The following PIAS4 variants were observed in gnomAD, a reference collection of about 807,000 sequenced individuals.
PIAS4 encodes the protein protein inhibitor of activated STAT 4.
A neutral mutation model predicts 58.0 loss-of-function variants in PIAS4; 7 were observed. That is an observed-to-expected ratio of 0.12 (90% CI 0.07 to 0.23). The LOEUF (loss-of-function observed/expected upper bound fraction) is 0.23. Ranked by LOEUF, PIAS4 falls within the 10% of genes least tolerant of loss-of-function variation. PIAS4 has a pLI of 1.00. For synonymous variants in PIAS4, 364 were observed against 312.4 expected (o/e 1.17, Z -1.74); for missense variants, 550 against 709.5 (o/e 0.78, Z 2.55).
chr19:4,010,940 G>A (rs902276312), intron 1 of PIAS4, among the ~76,000 whole-genome samples: 4 of 152,210 alleles, frequency 2.6e-5, no homozygotes, highest in Non-Finnish European at 5.9e-5. Context: ...CAGCCTCTCC[G>A]TCTCCAACAG....
rs559401432 is a variant in PIAS4, at chr19:4,037,178, G to C, written c.1143-196G>C. Among the ~76,000 whole-genome samples, 1 of 152,224 alleles carries C rather than the reference G, an allele frequency of 6.6e-6. No individual in the cohort carries two copies. Among genetic ancestry groups the C allele is most frequent in the Non-Finnish European group, 1.5e-5 (1 of 68,024 alleles). On this transcript the variant is annotated intron_variant, in intron 9 of 10. Transcript: ENST00000262971. This position sits in a 1 kb window ranked among gnomAD's most constrained non-coding sequence, Gnocchi z 5.8. Reference sequence around the variant, plus strand: ...AGTGCCGTGCACTGCAGACCTGCCTGGGGCTCAGCACCTGCAGGGGCCTGA... The same window carrying C: ...AGTGCCGTGCACTGCAGACCTGCCTCGGGCTCAGCACCTGCAGGGGCCTGA...
chr19:4,036,233 C>CA (rs2040283195), intron 9 of PIAS4, among the ~76,000 whole-genome samples: 1 of 132,680 alleles, frequency 7.5e-6, no homozygotes, highest in Non-Finnish European at 1.7e-5. Flanking sequence ...TACACACACA[C>CA]ATCTATACAG....
intron 7 of PIAS4, among the ~76,000 whole-genome samples, chr19:4,030,302 AG>A (rs2040211338): frequency 6.9e-5 from 10 of 144,398 alleles, no homozygotes; most frequent in South Asian, 4.6e-4. Context: ...ATTTTTTTTA[AG>A]TGACACGCAG....
intron 7 of PIAS4, among the ~76,000 whole-genome samples, chr19:4,030,414 G>A (rs2040212644): frequency 6.6e-6 from 1 of 151,924 alleles, no homozygotes; most frequent in African/African-American, 2.4e-5. Context: ...GGTCAGGAGA[G>A]CAACACCATC....
chr19:4,032,210 G>A (rs137904402), intron 7 of PIAS4, among the ~76,000 whole-genome samples: 5 of 152,074 alleles, frequency 3.3e-5, no homozygotes, highest in African/African-American at 1.2e-4. Context: ...TGGGGGGAGT[G>A]GGGGGGCAGG....
chr19:4,022,078 T>A (rs1458282674), intron 2 of PIAS4, among the ~76,000 whole-genome samples: 1 of 152,138 alleles, frequency 6.6e-6, no homozygotes, highest in Non-Finnish European at 1.5e-5. Context: ...AAGGTTTTAA[T>A]TATGGATCCA....
intron 2 of PIAS4, among the ~76,000 whole-genome samples, chr19:4,017,083 G>C (rs1444448653): frequency 6.6e-6 from 1 of 152,158 alleles, no homozygotes; most frequent in East Asian, 1.9e-4. Flanking sequence ...TGGGCACGGA[G>C]CGTCCTGTGT....
chr19:4,032,227 C>T (rs2040229154), intron 7 of PIAS4, among the ~76,000 whole-genome samples: 1 of 152,122 alleles, frequency 6.6e-6, no homozygotes, highest in Admixed American at 6.5e-5. Flanking sequence ...CAGGCTGGCA[C>T]CATCACTCTG....
chr19:4,021,742 C>CTTTTTTTTT (rs776416490), intron 2 of PIAS4, among the ~76,000 whole-genome samples: 8 of 104,084 alleles, frequency 7.7e-5, no homozygotes, highest in Non-Finnish European at 1.4e-4. Context: ...TTTTCTTTTT[C>CTTTTTTTTT]TTTTTTTTTT....
At chr19:4,009,286 C>T (rs888198384) in intron 1 of PIAS4, among the ~76,000 whole-genome samples, 8 of 152,160 alleles carry the variant, frequency 5.3e-5, no homozygotes, top group Non-Finnish European at 1.2e-4. Context: ...CGCCTCCCAA[C>T]CCTACACCCC....
intron 2 of PIAS4, among the ~76,000 whole-genome samples, chr19:4,021,473 C>G (rs62131494): frequency 0.074 from 11,273 of 152,062 alleles, 587 homozygotes; most frequent in South Asian, 0.18. Context: ...TTAAACCGGT[C>G]TTGGATTTCT....
At position 4,027,562 on chromosome 19, in the gene PIAS4, G is replaced by GTTTT. The variant is rs74266001; in HGVS notation, c.540-582_540-579dup. Among the ~76,000 whole-genome samples, 4 of 130,862 alleles carry GTTTT rather than the reference G, an allele frequency of 3.1e-5. 1 individual carries two copies. Among genetic ancestry groups the GTTTT allele is most frequent in the Admixed American group, 7.9e-5 (1 of 12,698 alleles). The allele number at this position is 130,862 out of a possible 152,430, so 85.9% of individuals were successfully genotyped here. On this transcript the variant is annotated intron_variant, in intron 3 of 10. Coordinates refer to ENST00000262971, the MANE Select transcript of PIAS4 (RefSeq NM_015897.4). The stretch of plus-strand genomic sequence containing the variant: ...TAAAGTTTATCCTCAGGTGTTACTG[G>GTTTT]TTTTTGTTTTTTTTTTTTTGGAGAG...
chr19:4,023,599 C>T (rs934780804), intron 2 of PIAS4, among the ~76,000 whole-genome samples: 10 of 152,226 alleles, frequency 6.6e-5, no homozygotes, highest in South Asian at 2.1e-4. Context: ...GTACCCCCCG[C>T]ACCACCTCTG....
Position 4,013,141 on chromosome 19 carries a change from C to T in PIAS4, c.246C>T (p.Asp82=), listed in dbSNP as rs374792493. Residue 82 remains aspartate (D), a synonymous_variant, in exon 2 of 11, where the codon GAC becomes GAT. Transcript: ENST00000262971. The surrounding 1 kb of genome is among the most constrained non-coding windows in gnomAD (Gnocchi z 5.1). ...EPAPQPHRPL[D]PLTMHSTYDR... ...CCCCACAGCCGCACCGGCCCCTGGA[C>T]CCCCTGACCATGCACTCCACCTACG... The T allele has an allele frequency of 9.3e-6, 15 of 1,613,328 alleles. No individual in the cohort carries two copies. The African/African-American group carries it at 1.5e-4, about 16-fold the overall frequency.
intron 3 of PIAS4, among the ~76,000 whole-genome samples, chr19:4,024,984 C>T (rs1867696): frequency 0.58 from 88,727 of 152,166 alleles, 29,902 homozygotes; most frequent in East Asian, 0.94. Context: ...AGGCTGGTCT[C>T]GAATTCCTGA....
chr19:4,028,904 G>GC lies in PIAS4; in HGVS notation c.802-24dup, dbSNP rs751020271. The stretch of plus-strand genomic sequence containing the variant: ...CCCCAACCCCGGCCCCGTCCTGCCA[G>GC]CCCTGACCCCTTCCTTCTGTCCCCA... On this transcript the variant is annotated intron_variant, in intron 6 of 10. Transcript: ENST00000262971. 75 of 1,523,352 alleles carry GC rather than the reference G, an allele frequency of 4.9e-5. 1 individual carries two copies. In the Admixed American group the frequency reaches 1.2e-3, roughly 25 times the overall value. 94.4% of individuals were successfully genotyped at this position (1,523,352 alleles called of 1,614,324 possible). A position where few individuals can be genotyped will look rare whatever the true frequency, so the allele number is the denominator to read the frequency against.
intron 9 of PIAS4, among the ~76,000 whole-genome samples, chr19:4,035,576 T>A (rs1321180892): frequency 6.6e-6 from 1 of 152,052 alleles, no homozygotes; most frequent in African/African-American, 2.4e-5. Context: ...GGCATGGGCG[T>A]GGGGAGCCCG....
chr19:4,033,035 G>C, intron 7 of PIAS4, 65 bp from the exon 8 acceptor site: 1 of 1,330,274 alleles, frequency 7.5e-7, no homozygotes, highest in Non-Finnish European at 1.1e-6. Flanking sequence ...GAGAGAACTC[G>C]AATCACAGCC....
At position 4,036,645 on chromosome 19, in the gene PIAS4, C is replaced by T. The variant is rs989843180; in HGVS notation, c.1143-729C>T. Reference sequence around the variant, plus strand: ...CCGTCTCACATCTATACAGTCCACACTGTCATACACACACATCTATACAGT... The same window carrying T: ...CCGTCTCACATCTATACAGTCCACATTGTCATACACACACATCTATACAGT... On this transcript the variant is annotated intron_variant, in intron 9 of 10. Transcript: ENST00000262971. 3.9e-5 allele frequency among the ~76,000 whole-genome samples: 5 copies of T among 128,838 alleles called. 1 individual carries two copies. The highest frequency in any genetic ancestry group is 8.2e-5 in the Non-Finnish European group (5 of 60,718). 84.5% of individuals were successfully genotyped at this position (128,838 alleles called of 152,430 possible).
Sources: gnomAD v4.1 joint callset for allele counts (sites outside exome capture counted in the v4.1 genomes callset) on GRCh38, gnomAD v4.1.1 for gene constraint, Gnocchi (gnomAD v3.1) non-coding constraint, MANE v1.5 for transcripts, NCBI Gene and HGNC (gene_info 2026-07-23, HGNC 2026-07-21) for gene names.